NCOR2: variants seen among roughly 807,000 people sequenced by gnomAD.
NCOR2 encodes the protein nuclear receptor corepressor 2.
In NCOR2, 81 loss-of-function variants were observed where a neutral mutation model predicts 262.9. The ratio of observed to expected loss-of-function variants is 0.31; its 90% CI spans 0.26 to 0.37. The LOEUF is 0.37. Among genes scored for constraint, NCOR2 ranks in the 10% least tolerant of loss-of-function variants. NCOR2 has a pLI of 1.00. For missense variants in NCOR2, 3,385 were observed against 3,621.4 expected, an observed-to-expected ratio of 0.93 and a Z score of 1.68; for synonymous variants, 1,659 against 1,559.3, an observed-to-expected ratio of 1.06 and a Z score of -1.51.
At chr12:124,387,773 A>T (rs1230859544) in intron 16 of NCOR2, among the ~76,000 whole-genome samples, 2 of 152,120 alleles carry the variant, frequency 1.3e-5, no homozygotes, top group African/African-American at 2.4e-5. Context: ...CCGCGCGTTT[A>T]TTTATATTTC....
chr12:124,344,975 C>G (rs900724660), intron 31 of NCOR2, 24 bp from the exon 34 acceptor site: 14 of 1,503,882 alleles, frequency 9.3e-6, no homozygotes, highest in Non-Finnish European at 1.1e-5. Context: ...GATGTAAGCT[C>G]TAGCCCTGGC....
chr12:124,402,843 T>G (rs2042056144), intron 13 of NCOR2, among the ~76,000 whole-genome samples: 1 of 152,140 alleles, frequency 6.6e-6, no homozygotes, highest in Admixed American at 6.5e-5. Flanking sequence ...TTCCTGCCCT[T>G]TCCACACAGT....
Position 124,440,829 on chromosome 12 carries a change from A to T in NCOR2, c.816-2833T>A, listed in dbSNP as rs1389216041. On this transcript the variant is annotated intron_variant, in intron 7 of 46. Coordinates refer to ENST00000405201, the Ensembl canonical transcript of NCOR2. This position sits in a 1 kb window ranked among gnomAD's most constrained non-coding sequence, Gnocchi z 5.7. ...CCAGAGAGGATGGCCTTGAGCTGGG[A>T]TCTACGTCATCAGAAGGACCCGGCT... 6.6e-6 allele frequency among the ~76,000 whole-genome samples: 1 copy of T among 152,150 alleles called. No individual in the cohort carries two copies. The highest frequency in any genetic ancestry group is 1.5e-5 in the Non-Finnish European group (1 of 68,026).
At position 124,482,096 on chromosome 12, in the gene NCOR2, G is replaced by C. The variant is rs2047522987; in HGVS notation, c.411+1500C>G. On this transcript the variant is annotated intron_variant, in intron 3 of 46. Transcript: ENST00000405201. This position sits in a 1 kb window ranked among gnomAD's most constrained non-coding sequence, Gnocchi z 6.3. ...GAACACAGCTGCATCCGCCGGGGGAGGTTCCTGAGTGGGCTCTCAGGCGCA... is the reference window on the plus strand; with the variant it reads ...GAACACAGCTGCATCCGCCGGGGGACGTTCCTGAGTGGGCTCTCAGGCGCA... 6.6e-6 allele frequency among the ~76,000 whole-genome samples: 1 copy of C among 152,118 alleles called. No homozygotes were observed. The highest frequency in any genetic ancestry group is 2.4e-5 in the African/African-American group (1 of 41,398).
intron 1 of NCOR2, among the ~76,000 whole-genome samples, chr12:124,524,762 G>A (rs767736251): frequency 2.0e-5 from 3 of 152,192 alleles, no homozygotes; most frequent in Non-Finnish European, 4.4e-5. Flanking sequence ...TGGACGCCTG[G>A]CCTGATGGAA....
At chr12:124,516,883 G>T (rs2049834223) in intron 1 of NCOR2, among the ~76,000 whole-genome samples, 1 of 152,192 alleles carries the variant, frequency 6.6e-6, no homozygotes, top group Non-Finnish European at 1.5e-5. Flanking sequence ...TTATGAGCTA[G>T]AAGGCAGGTT....
intron 1 of NCOR2, among the ~76,000 whole-genome samples, chr12:124,505,367 C>A (rs917386330): frequency 6.6e-6 from 1 of 152,226 alleles, no homozygotes; most frequent in African/African-American, 2.4e-5. Flanking sequence ...CTGTTTACCG[C>A]TGTCTCCCCC....
chr12:124,428,086 T>TGTGTGTGTGTGTGCGC (rs958627720), intron 10 of NCOR2, among the ~76,000 whole-genome samples: 23 of 147,164 alleles, frequency 1.6e-4, no homozygotes, highest in Non-Finnish European at 2.7e-4. Context: ...TGTGTGTGTG[T>TGTGTGTGTGTGTGCGC]GTACATGCAA....
Position 124,433,877 on chromosome 12 carries a change from C to CACAA in NCOR2, c.883-3091_883-3090insTTGT, listed in dbSNP as rs879932979. Among the ~76,000 whole-genome samples, 27 of 119,354 alleles carry CACAA rather than the reference C, an allele frequency of 2.3e-4. 2 individuals carry two copies. The highest frequency in any genetic ancestry group is 9.5e-4 in the Admixed American group (12 of 12,626). 78.3% of individuals were successfully genotyped at this position (119,354 alleles called of 152,430 possible). ...ACACACACACACACACACACACACACACACACACACACACACACACACGCA... is the reference window on the plus strand; with the variant it reads ...ACACACACACACACACACACACACACACAAACACACACACACACACACACACGCA... On this transcript the variant is annotated intron_variant, in intron 8 of 46. Transcript: ENST00000405201.
At chr12:124,360,649 T>C (rs1424653498) in intron 22 of NCOR2, among the ~76,000 whole-genome samples, 1 of 152,012 alleles carries the variant, frequency 6.6e-6, no homozygotes, top group Non-Finnish European at 1.5e-5. Context: ...CTTCCCTCAC[T>C]GTCCACCCGC....
At chr12:124,407,562 T>G (rs1332251550) in intron 13 of NCOR2, among the ~76,000 whole-genome samples, 1 of 152,134 alleles carries the variant, frequency 6.6e-6, no homozygotes, top group Admixed American at 6.5e-5. Context: ...ACCCACCCCA[T>G]GTTAAAGAGC....
In NCOR2 at chr12:124,478,966, G is replaced by C. The variant is rs1448774364; in HGVS notation, c.411+4630C>G. On this transcript the variant is annotated intron_variant, in intron 3 of 46. Transcript: ENST00000405201. ...TTCCTGACAAGAAGAGGGAAAGCCA[G>C]GCAGGCAGAAAGAACCACAGAGCAA... Among the ~76,000 whole-genome samples, 2 of 152,164 alleles carry C rather than the reference G, an allele frequency of 1.3e-5. 1 individual carries two copies. The highest frequency in any genetic ancestry group is 3.9e-4 in the East Asian group (2 of 5,194).
chr12:124,505,291 C>T (rs963135855), intron 1 of NCOR2, among the ~76,000 whole-genome samples: 5 of 152,292 alleles, frequency 3.3e-5, no homozygotes, highest in Admixed American at 3.3e-4. Context: ...CCCAAGGGGG[C>T]CCCCCGGTGC....
chr12:124,400,355 G>T, intron 15 of NCOR2, 146 bp downstream of exon 17: 1 of 1,084,544 alleles, frequency 9.2e-7, no homozygotes, highest in Non-Finnish European at 1.3e-6. Context: ...CATCCAGTAG[G>T]TAGCGCTGGG....
chr12:124,536,221 C>T (rs2051110340), upstream of NCOR2, among the ~76,000 whole-genome samples: 2 of 152,112 alleles, frequency 1.3e-5, no homozygotes, highest in South Asian at 2.1e-4. Context: ...GGACTATGGG[C>T]ACGTGCCACC....
At chr12:124,357,597 C>T (rs1030207965) in intron 22 of NCOR2, among the ~76,000 whole-genome samples, 21 of 152,260 alleles carry the variant, frequency 1.4e-4, no homozygotes, top group South Asian at 2.1e-4. Flanking sequence ...CGCCTGGCCC[C>T]GCCGTCTGAC....
intron 1 of NCOR2, among the ~76,000 whole-genome samples, chr12:124,511,045 CA>C (rs1225816419): frequency 6.6e-6 from 1 of 152,236 alleles, no homozygotes; most frequent in Non-Finnish European, 1.5e-5. Flanking sequence ...GGCAGGTGCT[CA>C]ATAAATGTTT....
intron 2 of NCOR2, among the ~76,000 whole-genome samples, chr12:124,484,245 G>A (rs944121508): frequency 1.3e-5 from 2 of 152,166 alleles, no homozygotes; most frequent in African/African-American, 4.8e-5. Flanking sequence ...TCTCACCCAC[G>A]CAGGGCAGAC....
At chr12:124,358,400 G>A (rs1373838691) in intron 22 of NCOR2, among the ~76,000 whole-genome samples, 3 of 152,138 alleles carry the variant, frequency 2.0e-5, no homozygotes, top group Admixed American at 2.0e-4. Context: ...GTGCATGTGT[G>A]TGCGAGTGCA....
Sources: gnomAD v4.1 joint callset for allele counts (sites outside exome capture counted in the v4.1 genomes callset) on GRCh38, gnomAD v4.1.1 for gene constraint, Gnocchi (gnomAD v3.1) non-coding constraint, MANE v1.5 for transcripts, NCBI Gene and HGNC (gene_info 2026-07-23, HGNC 2026-07-21) for gene names.